The following DST variants were observed in gnomAD, a reference collection of about 807,000 sequenced individuals.
DST encodes dystonin, also known as bullous pemphigoid antigen.
In DST, 253 loss-of-function variants were observed where a neutral mutation model predicts 875.2. The ratio of observed to expected loss-of-function variants is 0.29; its 90% CI spans 0.26 to 0.32. The LOEUF is 0.32. Among genes scored for constraint, DST ranks in the 10% least tolerant of loss-of-function variants. The pLI, the probability that DST is intolerant of heterozygous loss-of-function variation, is 1.00. For missense variants in DST, 8,287 were observed against 9,111.6 expected (o/e 0.91, Z 3.68); for synonymous variants, 3,124 against 3,197.1 (o/e 0.98, Z 0.77).
intron 4 of DST, among the ~76,000 whole-genome samples, chr6:56,765,911 C>T (rs2099632161): frequency 6.6e-6 from 1 of 152,192 alleles, no homozygotes; most frequent in Admixed American, 6.5e-5. Context: ...AGTAACATTT[C>T]CTCTAAGGAC....
At chr6:56,481,962 T>A in intron 90 of DST, 88 bp downstream of exon 90, 1 of 1,390,122 alleles carries the variant, frequency 7.2e-7, no homozygotes, top group Non-Finnish European at 9.9e-7. Flanking sequence ...AGGAAAATAT[T>A]CATGCAGTTG....
chr6:56,634,352 A>T, intron 26 of DST, 94 bp from the exon 27 acceptor site: 2 of 1,606,204 alleles, frequency 1.2e-6, no homozygotes, highest in Admixed American at 3.3e-5. Flanking sequence ...TCCACGGATG[A>T]GTTCTAGAGA....
intron 4 of DST, among the ~76,000 whole-genome samples, chr6:56,784,815 T>G (rs1404358490): frequency 6.6e-6 from 1 of 152,212 alleles, no homozygotes; most frequent in Non-Finnish European, 1.5e-5. Flanking sequence ...TTTTTAGAGT[T>G]TCCAGTTTTT....
intron 4 of DST, among the ~76,000 whole-genome samples, chr6:56,818,228 T>C (rs2099768906): frequency 6.6e-6 from 1 of 152,010 alleles, no homozygotes; most frequent in African/African-American, 2.4e-5. Flanking sequence ...AATAGGAAAC[T>C]AATACAATTT....
chr6:56,795,207 ATAAT>A (rs2099737667), intron 4 of DST, among the ~76,000 whole-genome samples: 2 of 152,064 alleles, frequency 1.3e-5, no homozygotes, highest in Admixed American at 1.3e-4. Flanking sequence ...TAAAAGCAGA[ATAAT>A]TAGAGTACAA....
chr6:56,892,960 T>C (rs1788310298), intron 3 of DST, among the ~76,000 whole-genome samples: 1 of 152,234 alleles, frequency 6.6e-6, no homozygotes, highest in Admixed American at 6.5e-5. Context: ...GTCAGCTCAG[T>C]TCATCCTCAT....
intron 7 of DST, among the ~76,000 whole-genome samples, chr6:56,702,946 T>C (rs1399886292): frequency 6.6e-6 from 1 of 152,174 alleles, no homozygotes; most frequent in Non-Finnish European, 1.5e-5. Context: ...GAAACGATGT[T>C]GATAAATTTA....
chr6:56,921,132 C>A (rs1804013675), intron 2 of DST, among the ~76,000 whole-genome samples: 1 of 151,990 alleles, frequency 6.6e-6, no homozygotes, highest in East Asian at 1.9e-4. Context: ...TTTTAAATTT[C>A]TGGAACAGAA....
intron 36 of DST, 39 bp from the exon 37 acceptor site, chr6:56,614,523 T>C (rs754137629): frequency 6.5e-7 from 1 of 1,532,192 alleles, no homozygotes; most frequent in East Asian, 2.3e-5. Context: ...TACACTGCAT[T>C]AAATGACTTA....
intron 47 of DST, 98 bp from the exon 48 acceptor site, chr6:56,594,291 T>C: frequency 2.1e-6 from 2 of 943,188 alleles, no homozygotes; most frequent in Non-Finnish European, 3.1e-6. Context: ...TTCAATGATC[T>C]ACAGGGCTAC....
intron 5 of DST, among the ~76,000 whole-genome samples, chr6:56,717,896 G>A (rs2099400688): frequency 6.6e-6 from 1 of 152,068 alleles, no homozygotes; most frequent in Non-Finnish European, 1.5e-5. Flanking sequence ...CTCCTGTTTT[G>A]CTGGCTCTAC....
intron 5 of DST, among the ~76,000 whole-genome samples, chr6:56,705,278 T>C (rs972025457): frequency 2.6e-5 from 4 of 152,222 alleles, no homozygotes; most frequent in African/African-American, 9.7e-5. Flanking sequence ...GCCAAAGAAG[T>C]GGGCAGGAAA....
chr6:56,709,774 T>C (rs1014146148), intron 5 of DST, among the ~76,000 whole-genome samples: 1 of 152,134 alleles, frequency 6.6e-6, no homozygotes, highest in Non-Finnish European at 1.5e-5. Flanking sequence ...CAGTATAAAA[T>C]AAATGCATTC....
rs143865087 is a variant in DST at position 56,616,412 on chromosome 6, A to G, written c.4930-1928T>C. Reference sequence around the variant, plus strand: ...CAGGTTTCTCTGGAAAGCCTCATACACGGTCAATTCTGATCCTGTTTTAGT... The same window carrying G: ...CAGGTTTCTCTGGAAAGCCTCATACGCGGTCAATTCTGATCCTGTTTTAGT... On this transcript the variant is annotated intron_variant, in intron 36 of 103. Transcript: ENST00000680361. 34 of 1,613,906 alleles carry G rather than the reference A, an allele frequency of 2.1e-5. No individual in the cohort carries two copies. The highest frequency in any genetic ancestry group is 2.0e-4 in the East Asian group (9 of 44,892).
In DST at chr6:56,847,549, C is replaced by T. The variant is rs150709022; in HGVS notation, c.625+3848G>A. Among the ~76,000 whole-genome samples the T allele has an allele frequency of 6.6e-4, 100 of 152,284 alleles. No homozygotes were observed. In the East Asian group the frequency reaches 0.016, roughly 25 times the overall value. ...CTTCCAAATCCCACACTTAGCAACACACTTTACTTGCAGTTCCCATTTACA... is the reference window on the plus strand; with the variant it reads ...CTTCCAAATCCCACACTTAGCAACATACTTTACTTGCAGTTCCCATTTACA... On this transcript the variant is annotated intron_variant, in intron 4 of 103. Transcript: ENST00000680361.
At position 56,789,638 on chromosome 6, in the gene DST, T is replaced by G. The variant is rs117439585; in HGVS notation, c.626-54349A>C. Among the ~76,000 whole-genome samples the G allele has an allele frequency of 2.0e-3, 303 of 152,320 alleles. 3 individuals carry two copies. The highest frequency in any genetic ancestry group is 0.017 in the Admixed American group (262 of 15,298). On this transcript the variant is annotated intron_variant, in intron 4 of 103. Transcript: ENST00000680361. ...TCCCCCAGCCCCTGGGAACTACCAC[T>G]TTAACTTTCTGCTTCTGTGACTATG...
rs1179938274 is a variant in DST at position 56,555,461 on chromosome 6, G to A, written c.15020C>T (p.Ala5007Val). 1.2e-6 allele frequency: 2 copies of A among 1,613,922 alleles called. No individual in the cohort carries two copies. The highest frequency in any genetic ancestry group is 2.2e-5 in the South Asian group (2 of 91,074). Residue 5007 changes from alanine (A) to valine (V), a missense_variant, in exon 60 of 104, where the codon GCC becomes GTC. By Grantham distance (64) the Ala-to-Val change is moderately conservative. Transcript: ENST00000680361. ...IQQEKKQIKV[A>V]QALCEDLSAL... The stretch of plus-strand genomic sequence containing the variant: ...TGACAAATCCTCACAGAGTGCCTGG[G>A]CCACTTTTATCTGCTTCTTTTCCTG...
chr6:56,692,369 G>C (rs1167738593), intron 9 of DST: 3 of 1,219,300 alleles, frequency 2.5e-6, no homozygotes, highest in Admixed American at 5.7e-5. Context: ...CTTGAACTCA[G>C]ACTCCACATT....
chr6:56,525,378 A>C (rs2096779414), intron 69 of DST, among the ~76,000 whole-genome samples: 1 of 152,120 alleles, frequency 6.6e-6, no homozygotes, highest in Non-Finnish European at 1.5e-5. Flanking sequence ...CCTTCACAAA[A>C]ATTTCTTAGC....
Sources: allele counts gnomAD v4.1 joint callset (sites outside exome capture counted in the v4.1 genomes callset), GRCh38; gene constraint gnomAD v4.1.1; transcripts MANE v1.5; gene names NCBI Gene and HGNC (gene_info 2026-07-23, HGNC 2026-07-21).